Variants in KPNA1 observed in about 807,000 individuals in gnomAD.
KPNA1 encodes the protein importin subunit alpha-5.
KPNA1 carries 10 observed loss-of-function variants against 70.5 expected under a neutral mutation model. That is an observed-to-expected ratio of 0.14 (90% CI 0.09 to 0.24). KPNA1 has a LOEUF of 0.24. Ranked by LOEUF, KPNA1 falls within the 10% of genes least tolerant of loss-of-function variation. The probability of loss-of-function intolerance (pLI) is 1.00; values close to 1 mark genes in which losing one functional copy is unlikely to be tolerated. For missense variants in KPNA1, 397 were observed against 637.9 expected (o/e 0.62, Z 4.07); for synonymous variants, 192 against 221.9 (o/e 0.87, Z 1.20).
At chr3:122,496,222 G>A (rs2076758858) in intron 2 of KPNA1, among the ~76,000 whole-genome samples, 1 of 151,912 alleles carries the variant, frequency 6.6e-6, no homozygotes, top group African/African-American at 2.4e-5. Flanking sequence ...CTGAGAAAAT[G>A]AGAACCTGAG....
chr3:122,430,650 C>T (rs28718697), intron 12 of KPNA1, among the ~76,000 whole-genome samples: 12,598 of 151,778 alleles, frequency 0.083, 730 homozygotes, highest in Non-Finnish European at 0.13. Context: ...TGCACAGACC[C>T]ACACAAAAAG....
chr3:122,480,492 T>G (rs1364218264), intron 2 of KPNA1, among the ~76,000 whole-genome samples: 1 of 152,110 alleles, frequency 6.6e-6, no homozygotes, highest in Non-Finnish European at 1.5e-5. Flanking sequence ...TAAACTTTTT[T>G]CAGACACATA....
At chr3:122,459,723 G>A (rs538480894) in intron 5 of KPNA1, 1 of 985,466 alleles carries the variant, frequency 1.0e-6, no homozygotes, top group South Asian at 4.7e-5. Context: ...ATGGGAACTG[G>A]TAAGTGTCAA....
intron 4 of KPNA1, 97 bp from the exon 5 acceptor site, chr3:122,461,415 CA>C (rs1171579727): frequency 2.8e-6 from 2 of 721,230 alleles, no homozygotes; most frequent in Non-Finnish European, 4.8e-6. Context: ...CTCCATTTAC[CA>C]TCTCTCATGC....
At chr3:122,485,887 C>T (rs1392158585) in intron 2 of KPNA1, among the ~76,000 whole-genome samples, 3 of 152,058 alleles carry the variant, frequency 2.0e-5, no homozygotes, top group South Asian at 2.1e-4. Context: ...AAGATGCTTA[C>T]AACTTTATTT....
chr3:122,431,805 CTT>C (rs199643020), intron 12 of KPNA1, among the ~76,000 whole-genome samples: 17 of 144,578 alleles, frequency 1.2e-4, no homozygotes, highest in East Asian at 2.0e-4. Flanking sequence ...TCTTCTTCTT[CTT>C]TTTTTTTTTT....
At chr3:122,507,424 G>A (rs1301263956) in intron 1 of KPNA1, among the ~76,000 whole-genome samples, 1 of 134,692 alleles carries the variant, frequency 7.4e-6, no homozygotes, top group Non-Finnish European at 1.5e-5. Context: ...CTGGGCGACA[G>A]AGCAAGACTC....
intron 10 of KPNA1, 43 bp from the exon 11 acceptor site, chr3:122,437,338 A>T (rs1576282063): frequency 7.0e-7 from 1 of 1,431,834 alleles, no homozygotes; most frequent in East Asian, 2.4e-5. Context: ...GTATTGTTCT[A>T]AATATCAATG....
intron 2 of KPNA1, among the ~76,000 whole-genome samples, chr3:122,468,428 G>GA (rs1038915577): frequency 1.3e-5 from 2 of 152,176 alleles, no homozygotes; most frequent in African/African-American, 2.4e-5. Flanking sequence ...TCTTTCAGAA[G>GA]ACAGAAGCAG....
intron 5 of KPNA1, among the ~76,000 whole-genome samples, chr3:122,458,129 A>G (rs896497760): frequency 1.3e-5 from 2 of 152,220 alleles, no homozygotes; most frequent in Admixed American, 6.5e-5. Context: ...AGAAGGCAAT[A>G]TATTTATTTC....
intron 1 of KPNA1, among the ~76,000 whole-genome samples, chr3:122,499,328 G>A (rs1465115921): frequency 2.0e-5 from 3 of 152,194 alleles, no homozygotes; most frequent in Admixed American, 6.5e-5. Context: ...TTTCTGTAAA[G>A]GCACTTTTAT....
rs2075999978 is a variant in KPNA1, at chr3:122,437,117, A to G, written c.1122+53T>C. 2.5e-6 allele frequency: 4 copies of G among 1,580,524 alleles called. No individual in the cohort carries two copies. The Admixed American group carries it at 7.3e-5, about 29-fold the overall frequency. ...GTTTTAAAGGGTGACTGAGAAAAAA[A>G]CCTTACTTTTCAATAAAAATACTGA... On this transcript the variant is annotated intron_variant, in intron 11 of 13. Transcript: ENST00000344337.
chr3:122,465,892 A>G (rs1208045261), intron 3 of KPNA1, among the ~76,000 whole-genome samples: 1 of 152,270 alleles, frequency 6.6e-6, no homozygotes, highest in African/African-American at 2.4e-5. Context: ...ATAGTGGGCC[A>G]GTGTGCCCTA....
intron 12 of KPNA1, among the ~76,000 whole-genome samples, chr3:122,429,364 C>T (rs942468881): frequency 1.2e-4 from 17 of 141,104 alleles, no homozygotes; most frequent in African/African-American, 4.2e-4. Flanking sequence ...GGCAGAATTG[C>T]TTGAACACAG....
chr3:122,450,591 A>G (rs1343807091), intron 8 of KPNA1, among the ~76,000 whole-genome samples: 2 of 152,188 alleles, frequency 1.3e-5, no homozygotes, highest in Non-Finnish European at 1.5e-5. Context: ...TCAAAAAACC[A>G]AAAAACAAAA....
chr3:122,488,672 A>G (rs1440400944), intron 2 of KPNA1, among the ~76,000 whole-genome samples: 4 of 152,210 alleles, frequency 2.6e-5, no homozygotes, highest in Admixed American at 2.6e-4. Context: ...AGAATTCTTT[A>G]GTTGACAGTT....
chr3:122,453,693 T>C (rs2076236546), intron 6 of KPNA1, among the ~76,000 whole-genome samples, 177 bp downstream of exon 6: 1 of 152,040 alleles, frequency 6.6e-6, no homozygotes, highest in African/African-American at 2.4e-5. Context: ...CGTACCACCA[T>C]GCCCGGCTAA....
At chr3:122,487,018 T>A (rs775920950) in intron 2 of KPNA1, among the ~76,000 whole-genome samples, 1 of 152,224 alleles carries the variant, frequency 6.6e-6, no homozygotes, top group Non-Finnish European at 1.5e-5. Context: ...GGTCTTCTTT[T>A]GAGTGACCTT....
intron 5 of KPNA1, among the ~76,000 whole-genome samples, chr3:122,456,095 GA>G (rs1312286731): frequency 1.3e-5 from 2 of 152,094 alleles, no homozygotes; most frequent in African/African-American, 4.8e-5. Context: ...TGCTGACCCA[GA>G]AATATTTCAT....
Sources: gnomAD v4.1 joint callset for allele counts (sites outside exome capture counted in the v4.1 genomes callset) on GRCh38, gnomAD v4.1.1 for gene constraint, MANE v1.5 for transcripts, NCBI Gene and HGNC (gene_info 2026-07-23, HGNC 2026-07-21) for gene names.